CELF5: variants seen among roughly 807,000 people sequenced by gnomAD.
The protein encoded by CELF5 is CUG-BP and ETR-3 like factor 5.
Under a neutral mutation model 54.9 loss-of-function variants are expected in CELF5, and 6 were observed. The observed-to-expected ratio is 0.11, with a 90% CI of 0.06 to 0.22. CELF5 has a LOEUF of 0.22. Ranked by LOEUF, CELF5 falls within the 10% of genes least tolerant of loss-of-function variation. The probability of loss-of-function intolerance (pLI) is 1.00; values close to 1 mark genes in which losing one functional copy is unlikely to be tolerated. For synonymous variants in CELF5, 271 were observed against 290.9 expected, an observed-to-expected ratio of 0.93 and a Z score of 0.70; for missense variants, 401 against 678.6, an observed-to-expected ratio of 0.59 and a Z score of 4.54.
At position 3,275,669 on chromosome 19, in the gene CELF5, T is replaced by C. The variant is rs920059045; in HGVS notation, c.395-187T>C. 1.6e-4 allele frequency among the ~76,000 whole-genome samples: 24 copies of C among 149,358 alleles called. No homozygotes were observed. The highest frequency in any genetic ancestry group is 4.7e-4 in the African/African-American group (19 of 40,626). On this transcript the variant is annotated intron_variant, in intron 3 of 12. Coordinates refer to ENST00000292672, the MANE Select transcript of CELF5 (RefSeq NM_021938.4). This position sits in a 1 kb window ranked among gnomAD's most constrained non-coding sequence, Gnocchi z 6.7. ...GGAGCGTGCAGGGCCCGTGGGAGGG[T>C]GGAGAGATCCGGGGCAGGGAAAGGG...
intron 2 of CELF5, among the ~76,000 whole-genome samples, chr19:3,260,306 G>A (rs1308927707): frequency 6.6e-6 from 1 of 151,902 alleles, no homozygotes; most frequent in African/African-American, 2.4e-5. Context: ...TAGTAGAGAT[G>A]GGGTTTCGCC....
At chr19:3,270,963 T>C (rs1479553329) in intron 2 of CELF5, among the ~76,000 whole-genome samples, 1 of 151,506 alleles carries the variant, frequency 6.6e-6, no homozygotes, top group African/African-American at 2.4e-5. Context: ...GGGGGCAGCT[T>C]CTCTCCCCGC....
At chr19:3,262,477 G>C (rs980117554) in intron 2 of CELF5, among the ~76,000 whole-genome samples, 1 of 152,202 alleles carries the variant, frequency 6.6e-6, no homozygotes, top group African/African-American at 2.4e-5. Flanking sequence ...CACAGATCCA[G>C]AGTGTTCTAG....
At chr19:3,273,742 T>A in intron 2 of CELF5, 130 bp from the exon 3 acceptor site, 1 of 669,530 alleles carries the variant, frequency 1.5e-6, no homozygotes, top group Non-Finnish European at 2.7e-6. Flanking sequence ...GGGGTGTTAG[T>A]TGGGTGGTGG....
chr19:3,261,598 T>C (rs954262721), intron 2 of CELF5, among the ~76,000 whole-genome samples: 1 of 151,972 alleles, frequency 6.6e-6, no homozygotes, highest in African/African-American at 2.4e-5. Context: ...GGTAGGAGGA[T>C]TGCTTGAGCC....
At chr19:3,231,447 CGGAT>C (rs111427441) in intron 1 of CELF5, among the ~76,000 whole-genome samples, 33,652 of 144,382 alleles carry the variant, frequency 0.23, 3,900 homozygotes, top group Non-Finnish European at 0.25. Context: ...GATGGGTGAA[CGGAT>C]GGATGGATGG....
chr19:3,263,659 C>T (rs909989893), intron 2 of CELF5, among the ~76,000 whole-genome samples: 1 of 152,178 alleles, frequency 6.6e-6, no homozygotes, highest in Non-Finnish European at 1.5e-5. Flanking sequence ...AATCCCCGCA[C>T]TTTGGGAGGC....
intron 1 of CELF5, among the ~76,000 whole-genome samples, chr19:3,249,828 C>G (rs1388491033): frequency 6.6e-6 from 1 of 152,218 alleles, no homozygotes; most frequent in Non-Finnish European, 1.5e-5. Flanking sequence ...AGTGGCAGAG[C>G]CCACTGCTCC....
At position 3,282,307 on chromosome 19, in the gene CELF5, C is replaced by T. The variant is rs1387599839; in HGVS notation, c.892+40C>T. On this transcript the variant is annotated intron_variant, in intron 7 of 12. Transcript: ENST00000292672. This position sits in a 1 kb window ranked among gnomAD's most constrained non-coding sequence, Gnocchi z 5.2. ...GGCACCCAAGGATGGGTGGGCAGGG[C>T]TGGAGCCAGAACTGGCCTCCCCATG... 1 of 1,608,778 alleles carries T rather than the reference C, an allele frequency of 6.2e-7. No homozygotes were observed. The highest frequency in any genetic ancestry group is 1.7e-5 in the Admixed American group (1 of 60,014).
rs997832064 is a variant in CELF5, at chr19:3,282,628, G to T, written c.1039+130G>T. On this transcript the variant is annotated intron_variant, in intron 8 of 12. Coordinates refer to ENST00000292672, the MANE Select transcript of CELF5 (RefSeq NM_021938.4). This position sits in a 1 kb window ranked among gnomAD's most constrained non-coding sequence, Gnocchi z 5.2. ...GGGCAGGAAAAAGGGTGTCTCCGCT[G>T]AGCAGATAAGAGCTGTGGACACAGG... The T allele has an allele frequency of 7.0e-6, 7 of 1,000,728 alleles. No individual in the cohort carries two copies. In the African/African-American group the frequency reaches 9.7e-5, roughly 14 times the overall value. 62.0% of individuals were successfully genotyped at this position (1,000,728 alleles called of 1,614,324 possible).
intron 1 of CELF5, among the ~76,000 whole-genome samples, chr19:3,227,016 C>G (rs1916961942): frequency 6.6e-6 from 1 of 152,028 alleles, no homozygotes; most frequent in Non-Finnish European, 1.5e-5. Context: ...AATTGAGAAG[C>G]CGTGTGCACG....
chr19:3,262,539 C>A (rs1187692729), intron 2 of CELF5, among the ~76,000 whole-genome samples: 1 of 152,072 alleles, frequency 6.6e-6, no homozygotes, highest in Non-Finnish European at 1.5e-5. Flanking sequence ...CCAGAGAGGT[C>A]AATTACTGTA....
At chr19:3,235,762 A>G (rs1234310115) in intron 1 of CELF5, among the ~76,000 whole-genome samples, 1 of 118,464 alleles carries the variant, frequency 8.4e-6, no homozygotes, top group South Asian at 3.0e-4. Context: ...GGATGTGTGG[A>G]TGGGTGGATA....
At chr19:3,295,645 T>A (rs2080427199) in intron 12 of CELF5, 1 of 151,376 alleles carries the variant, frequency 6.6e-6, no homozygotes, top group Non-Finnish European at 1.5e-5. Context: ...TCCAGGGCCG[T>A]TGGGCTCTGC....
chr19:3,287,494 G>A (rs2080273426), intron 10 of CELF5, among the ~76,000 whole-genome samples: 1 of 150,398 alleles, frequency 6.6e-6, no homozygotes, highest in Non-Finnish European at 1.5e-5. Context: ...AGGAGGCGGA[G>A]GTTGCAGTGA....
chr19:3,293,296 G>A (rs1422335580), intron 11 of CELF5, 23 bp from the exon 12 acceptor site: 2 of 1,613,596 alleles, frequency 1.2e-6, no homozygotes, highest in African/African-American at 2.7e-5. Flanking sequence ...GCCAACCACG[G>A]AGGTCCACCC....
intron 11 of CELF5, 144 bp from the exon 12 acceptor site, chr19:3,293,175 C>T (rs2080379299): frequency 1.8e-6 from 2 of 1,085,172 alleles, no homozygotes; most frequent in Non-Finnish European, 2.7e-6. Context: ...GCTGTGTGTC[C>T]TCCACCACAA....
Position 3,225,014 on chromosome 19 carries a change from C to T in CELF5, c.259+16C>T, listed in dbSNP as rs774104978. 3.5e-6 allele frequency: 5 copies of T among 1,433,728 alleles called. No homozygotes were observed. The highest frequency in any genetic ancestry group is 2.9e-5 in the East Asian group (1 of 34,756). The allele number at this position is 1,433,728 out of a possible 1,614,324, so 88.8% of individuals were successfully genotyped here. On this transcript the variant is annotated intron_variant, in intron 1 of 12. Transcript: ENST00000292672. Reference sequence around the variant, plus strand: ...ATGCACAAAGGTGGGCGCCCGGCCCCCTCCCCCCTCTCCCCCTCCCTCCGC... The same window carrying T: ...ATGCACAAAGGTGGGCGCCCGGCCCTCTCCCCCCTCTCCCCCTCCCTCCGC...
intron 1 of CELF5, among the ~76,000 whole-genome samples, chr19:3,235,646 G>A (rs374205119): frequency 7.2e-4 from 32 of 44,642 alleles, no homozygotes; most frequent in African/African-American, 2.6e-3. Flanking sequence ...GGGTGGATGA[G>A]TGGATGGATG....
Sources: gnomAD v4.1 joint callset for allele counts (sites outside exome capture counted in the v4.1 genomes callset) on GRCh38, gnomAD v4.1.1 for gene constraint, Gnocchi (gnomAD v3.1) non-coding constraint, MANE v1.5 for transcripts, NCBI Gene and HGNC (gene_info 2026-07-23, HGNC 2026-07-21) for gene names.